CHST11: variants seen among roughly 807,000 people sequenced by gnomAD.
CHST11 encodes the protein C4S-1.
Under a neutral mutation model 30.4 loss-of-function variants are expected in CHST11, and 9 were observed. The observed-to-expected ratio is 0.30, with a 90% CI of 0.18 to 0.52. The LOEUF (loss-of-function observed/expected upper bound fraction) is 0.52. CHST11 is among the 20% of genes least tolerant of loss of function. CHST11 has a pLI of 0.97. For missense variants in CHST11, 348 were observed against 460.6 expected (o/e 0.76, Z 2.24); for synonymous variants, 152 against 187.8 (o/e 0.81, Z 1.56).
At chr12:104,524,924 T>C (rs1203561450) in intron 1 of CHST11, among the ~76,000 whole-genome samples, 10 of 152,216 alleles carry the variant, frequency 6.6e-5, no homozygotes, top group Non-Finnish European at 1.3e-4. Context: ...TGTAACACTT[T>C]CATTTGTTTT....
intron 1 of CHST11, chr12:104,553,251 A>C (rs2038421683): frequency 6.6e-6 from 1 of 152,188 alleles, no homozygotes; most frequent in African/African-American, 2.4e-5. Flanking sequence ...GGTGGTGGGG[A>C]TGGTTATGGT....
At chr12:104,755,742 C>G (rs758451118) in intron 2 of CHST11, among the ~76,000 whole-genome samples, 7 of 151,876 alleles carry the variant, frequency 4.6e-5, no homozygotes, top group Non-Finnish European at 8.8e-5. Context: ...GCTGAGATCG[C>G]GCCACTGCAT....
At chr12:104,680,448 A>C (rs1328791454) in intron 2 of CHST11, among the ~76,000 whole-genome samples, 4 of 152,224 alleles carry the variant, frequency 2.6e-5, no homozygotes, top group Non-Finnish European at 5.9e-5. Context: ...ACATGTGGCC[A>C]GGCAGGCACA....
At chr12:104,639,603 G>A (rs2039356551) in intron 2 of CHST11, among the ~76,000 whole-genome samples, 1 of 152,174 alleles carries the variant, frequency 6.6e-6, no homozygotes, top group Non-Finnish European at 1.5e-5. Flanking sequence ...CCTGAGGCAT[G>A]GGGAAAGGCG....
At chr12:104,741,905 A>G (rs2040350384) in intron 2 of CHST11, among the ~76,000 whole-genome samples, 1 of 152,152 alleles carries the variant, frequency 6.6e-6, no homozygotes, top group Non-Finnish European at 1.5e-5. Context: ...GGTGTCTGGG[A>G]ACCCGCATTG....
chr12:104,477,210 G>A (rs1256493079), intron 1 of CHST11, among the ~76,000 whole-genome samples: 1 of 152,178 alleles, frequency 6.6e-6, no homozygotes, highest in East Asian at 1.9e-4. Context: ...CATTACAGGT[G>A]TTAAATCATT....
chr12:104,629,340 A>G (rs2039249545), intron 2 of CHST11, among the ~76,000 whole-genome samples: 1 of 152,144 alleles, frequency 6.6e-6, no homozygotes, highest in South Asian at 2.1e-4. Flanking sequence ...GGGTCCTTGA[A>G]GCTCACATGG....
At chr12:104,492,962 G>A (rs1217162210) in intron 1 of CHST11, among the ~76,000 whole-genome samples, 7 of 151,432 alleles carry the variant, frequency 4.6e-5, no homozygotes, top group Admixed American at 4.6e-4. Flanking sequence ...GAACCCGGGA[G>A]GCGGAGGTTG....
At chr12:104,685,274 T>G (rs2039836193) in intron 2 of CHST11, among the ~76,000 whole-genome samples, 1 of 152,260 alleles carries the variant, frequency 6.6e-6, no homozygotes, top group Non-Finnish European at 1.5e-5. Flanking sequence ...GCATGCTTTT[T>G]ATTCAATTTG....
intron 2 of CHST11, among the ~76,000 whole-genome samples, chr12:104,623,122 GA>G (rs2039176157): frequency 6.6e-6 from 1 of 152,232 alleles, no homozygotes; most frequent in Non-Finnish European, 1.5e-5. Flanking sequence ...ATATGTAAAT[GA>G]ATGGGCGTGG....
chr12:104,471,502 A>G (rs1247015854), intron 1 of CHST11, among the ~76,000 whole-genome samples: 2 of 152,226 alleles, frequency 1.3e-5, no homozygotes, highest in African/African-American at 4.8e-5. Context: ...ACAACTGTCA[A>G]AGTTGTAGGA....
At chr12:104,572,894 T>A (rs1239088419) in intron 1 of CHST11, among the ~76,000 whole-genome samples, 1 of 152,154 alleles carries the variant, frequency 6.6e-6, no homozygotes, top group Non-Finnish European at 1.5e-5. Context: ...AAATAAAGGG[T>A]ATTCAATTAG....
intron 1 of CHST11, among the ~76,000 whole-genome samples, chr12:104,535,196 G>A (rs970618171): frequency 3.9e-5 from 6 of 152,184 alleles, no homozygotes; most frequent in African/African-American, 1.4e-4. Flanking sequence ...CTGAGTTATG[G>A]TGTAGGGACT....
chr12:104,572,755 T>C (rs2038641420), intron 1 of CHST11, among the ~76,000 whole-genome samples: 1 of 152,244 alleles, frequency 6.6e-6, no homozygotes, highest in Non-Finnish European at 1.5e-5. Flanking sequence ...TGCCTTCTGC[T>C]AGCTTTTGAA....
At chr12:104,579,020 T>C (rs2038712300) in intron 1 of CHST11, among the ~76,000 whole-genome samples, 1 of 152,346 alleles carries the variant, frequency 6.6e-6, no homozygotes, top group Non-Finnish European at 1.5e-5. Flanking sequence ...GATGCTGTCT[T>C]TGACCAGAAG....
rs2039977235 is a variant in CHST11 at position 104,699,847 on chromosome 12, G to A, written c.205-57102G>A. On this transcript the variant is annotated intron_variant, in intron 2 of 2. Coordinates refer to ENST00000303694, the MANE Select transcript of CHST11 (RefSeq NM_018413.6). The stretch of plus-strand genomic sequence containing the variant: ...TTCATCAGCAGGGGCGGGAAATGAT[G>A]CTGCCTCCAGCTTGAGAGTGATGAG... 1.3e-5 allele frequency among the ~76,000 whole-genome samples: 2 copies of A among 152,198 alleles called. 1 individual carries two copies. Among genetic ancestry groups the A allele is most frequent in the African/African-American group, 4.8e-5 (2 of 41,452 alleles).
chr12:104,628,335 G>A (rs2039238561), intron 2 of CHST11, among the ~76,000 whole-genome samples: 2 of 152,074 alleles, frequency 1.3e-5, no homozygotes, highest in Non-Finnish European at 2.9e-5. Context: ...CTGACTGCAC[G>A]TGCCCAGACC....
At chr12:104,513,856 G>A (rs151226162) in intron 1 of CHST11, among the ~76,000 whole-genome samples, 1 of 152,328 alleles carries the variant, frequency 6.6e-6, no homozygotes, top group East Asian at 1.9e-4. Context: ...TCTGGCAGTG[G>A]CGTCAGAAGG....
intron 2 of CHST11, among the ~76,000 whole-genome samples, chr12:104,692,259 C>G (rs2039903134): frequency 6.6e-6 from 1 of 152,202 alleles, no homozygotes; most frequent in Non-Finnish European, 1.5e-5. Flanking sequence ...GCATGCAGTG[C>G]TCCCTGGCCA....
Sources: gnomAD v4.1 joint callset for allele counts (sites outside exome capture counted in the v4.1 genomes callset) on GRCh38, gnomAD v4.1.1 for gene constraint, MANE v1.5 for transcripts, NCBI Gene and HGNC (gene_info 2026-07-23, HGNC 2026-07-21) for gene names.